Variants in GALNT13 observed in about 807,000 individuals in gnomAD.
GALNT13 encodes UDP-GalNAc:polypeptide N-acetylgalactosaminyltransferase 13.
Under a neutral mutation model 64.2 loss-of-function variants are expected in GALNT13, and 28 were observed. The observed-to-expected ratio is 0.44, with a 90% CI of 0.32 to 0.60. The LOEUF (loss-of-function observed/expected upper bound fraction) is 0.60. Among genes scored for constraint, GALNT13 ranks in the 20% least tolerant of loss-of-function variants. The probability of loss-of-function intolerance (pLI) is 0.05; values close to 1 mark genes in which losing one functional copy is unlikely to be tolerated. For synonymous variants in GALNT13, 214 were observed against 224.6 expected, an observed-to-expected ratio of 0.95 and a Z score of 0.42; for missense variants, 577 against 669.8, an observed-to-expected ratio of 0.86 and a Z score of 1.53.
At chr2:153,652,604 G>C in the GALNT13 span, among the ~76,000 whole-genome samples, 1 of 152,036 alleles carries the variant, frequency 6.6e-6, no homozygotes, top group South Asian at 2.1e-4. Context: ...AACAGAGTGA[G>C]ACTCTGTCTC....
chr2:154,324,538 G>C (rs1442928874), intron 9 of GALNT13, among the ~76,000 whole-genome samples: 6 of 152,178 alleles, frequency 3.9e-5, no homozygotes, highest in African/African-American at 1.4e-4. Context: ...TTGGTCCATG[G>C]GGATAGGGTA....
At chr2:153,820,485 C>G in the GALNT13 span, among the ~76,000 whole-genome samples, 1 of 152,238 alleles carries the variant, frequency 6.6e-6, no homozygotes, top group Non-Finnish European at 1.5e-5. Context: ...GAAAAAATAT[C>G]AGATCCCATA....
chr2:154,265,071 G>A (rs1573980794), intron 8 of GALNT13, among the ~76,000 whole-genome samples: 1 of 151,154 alleles, frequency 6.6e-6, no homozygotes, highest in African/African-American at 2.4e-5. Context: ...GAAAAATAGA[G>A]AGATGACACA....
At chr2:154,238,188 G>A (rs1000204266) in intron 4 of GALNT13, among the ~76,000 whole-genome samples, 2 of 152,010 alleles carry the variant, frequency 1.3e-5, no homozygotes. Context: ...ATATCCACAA[G>A]AGGTTGACAC....
At chr2:153,241,547 C>T in the GALNT13 span, among the ~76,000 whole-genome samples, 4 of 151,994 alleles carry the variant, frequency 2.6e-5, no homozygotes, top group African/African-American at 9.7e-5. Context: ...TGAGCTGGGT[C>T]CTTCAAACGC....
intron 11 of GALNT13, chr2:154,436,183 T>A (rs953692547): frequency 1.3e-5 from 2 of 152,130 alleles, no homozygotes; most frequent in Non-Finnish European, 2.9e-5. Flanking sequence ...TAATTTTTTT[T>A]CAAGTACAAA....
chr2:153,697,687 G>T, the GALNT13 span, among the ~76,000 whole-genome samples: 3 of 152,322 alleles, frequency 2.0e-5, no homozygotes. Context: ...AAAGTCAGAG[G>T]TAATGGGGTA....
intron 11 of GALNT13, among the ~76,000 whole-genome samples, chr2:154,429,944 G>T (rs957086071): frequency 2.6e-5 from 4 of 152,132 alleles, no homozygotes; most frequent in South Asian, 4.1e-4. Flanking sequence ...TTGCAACATG[G>T]TGTACTAAAT....
At chr2:153,093,960 G>A in the GALNT13 span, among the ~76,000 whole-genome samples, 11 of 152,002 alleles carry the variant, frequency 7.2e-5, no homozygotes, top group Admixed American at 5.9e-4. Context: ...TAATTTATTA[G>A]CATGTAGTTG....
At chr2:153,559,704 T>G in the GALNT13 span, among the ~76,000 whole-genome samples, 1 of 152,088 alleles carries the variant, frequency 6.6e-6, no homozygotes, top group South Asian at 2.1e-4. Flanking sequence ...TAGTTTAAAG[T>G]TTATTGGTTA....
intron 8 of GALNT13, among the ~76,000 whole-genome samples, chr2:154,298,338 G>C (rs1693051034): frequency 7.2e-6 from 1 of 139,470 alleles, no homozygotes; most frequent in Non-Finnish European, 1.6e-5. Context: ...GGAAGGGAAA[G>C]AACATATATC....
intron 4 of GALNT13, among the ~76,000 whole-genome samples, chr2:154,187,558 T>C (rs1686325314): frequency 1.3e-5 from 2 of 152,094 alleles, no homozygotes; most frequent in Non-Finnish European, 2.9e-5. Context: ...GCTAGTCAGC[T>C]CAATGGTACA....
the GALNT13 span, among the ~76,000 whole-genome samples, chr2:153,746,561 C>T: frequency 4.3e-3 from 653 of 152,132 alleles, 5 homozygotes; most frequent in African/African-American, 0.014. Context: ...TGGGTGGTTT[C>T]TGATTCAGCA....
chr2:154,004,004 A>C (rs1477967793), intron 3 of GALNT13, among the ~76,000 whole-genome samples: 7 of 152,178 alleles, frequency 4.6e-5, no homozygotes, highest in Non-Finnish European at 7.3e-5. Context: ...TTTTTATAGC[A>C]ATGAAAAAAC....
chr2:153,781,189 C>G, the GALNT13 span, among the ~76,000 whole-genome samples: 28 of 152,214 alleles, frequency 1.8e-4, no homozygotes, highest in African/African-American at 6.7e-4. Context: ...GCAGAAGATA[C>G]TAAAATTATC....
chr2:153,257,134 G>A, the GALNT13 span, among the ~76,000 whole-genome samples: 1 of 152,234 alleles, frequency 6.6e-6, no homozygotes, highest in Non-Finnish European at 1.5e-5. Context: ...TCCGAGCCAG[G>A]TGCCGGATAT....
chr2:153,858,488 A>G, the GALNT13 span, among the ~76,000 whole-genome samples: 3 of 152,174 alleles, frequency 2.0e-5, no homozygotes, highest in Non-Finnish European at 4.4e-5. Flanking sequence ...TCAGTTGCAC[A>G]TGCTTTCAGT....
At position 154,040,683 on chromosome 2, in the gene GALNT13, T is replaced by C. The variant is rs1298111464; in HGVS notation, c.142+96044T>C. ...TATTTTAAAGTTACTTTAATGATATTGCTTATTTGGGAAGCAGATTTTTTT... is the reference window on the plus strand; with the variant it reads ...TATTTTAAAGTTACTTTAATGATATCGCTTATTTGGGAAGCAGATTTTTTT... On this transcript the variant is annotated intron_variant, in intron 3 of 12. Coordinates refer to ENST00000392825, the MANE Select transcript of GALNT13 (RefSeq NM_052917.4). 1.4e-5 allele frequency among the ~76,000 whole-genome samples: 2 copies of C among 140,680 alleles called. 1 individual carries two copies. The highest frequency in any genetic ancestry group is 3.3e-5 in the Non-Finnish European group (2 of 61,204). The allele number at this position is 140,680 out of a possible 152,430, so 92.3% of individuals were successfully genotyped here.
At chr2:153,473,900 C>G in the GALNT13 span, among the ~76,000 whole-genome samples, 5 of 152,256 alleles carry the variant, frequency 3.3e-5, no homozygotes, top group Admixed American at 3.3e-4. Context: ...AGTCTGAATG[C>G]GTACCTAGAA....
Sources: allele counts gnomAD v4.1 joint callset (sites outside exome capture counted in the v4.1 genomes callset), GRCh38; gene constraint gnomAD v4.1.1; transcripts MANE v1.5; gene names NCBI Gene and HGNC (gene_info 2026-07-23, HGNC 2026-07-21).